The following LRRC28 variants were observed in gnomAD, a reference collection of about 807,000 sequenced individuals.
LRRC28 encodes leucine rich repeat containing 28, also known as leucine-rich repeat-containing protein 28.
In LRRC28, 39 loss-of-function variants were observed where a neutral mutation model predicts 45.7. The observed-to-expected ratio is 0.85, with a 90% CI of 0.66 to 1.12. The LOEUF is 1.12. Among genes scored for constraint, LRRC28 ranks in the 50% most tolerant of loss-of-function variants. The pLI is 0.00. For missense variants in LRRC28, 435 were observed against 438.5 expected (o/e 0.99, Z 0.07); for synonymous variants, 206 against 178.8 (o/e 1.15, Z -1.22).
At chr15:99,369,791 C>G (rs1957432668) in intron 9 of LRRC28, among the ~76,000 whole-genome samples, 1 of 152,168 alleles carries the variant, frequency 6.6e-6, no homozygotes, top group Non-Finnish European at 1.5e-5. Context: ...ACTTTAATCA[C>G]CAGGGTATTT....
chr15:99,270,109 G>A (rs937842000), intron 2 of LRRC28, among the ~76,000 whole-genome samples: 39 of 152,298 alleles, frequency 2.6e-4, no homozygotes, highest in African/African-American at 9.1e-4. Flanking sequence ...TGGACACGTG[G>A]TATTTAACTC....
At position 99,340,093 on chromosome 15, in the gene LRRC28, G is replaced by T. The variant is rs991337367; in HGVS notation, c.592+5964G>T. On this transcript the variant is annotated intron_variant, in intron 6 of 9. Coordinates refer to ENST00000301981, the MANE Select transcript of LRRC28 (RefSeq NM_144598.5). ...TGAGTGCAGAGAGTCATGTTTTAGC[G>T]TGATTCTACCACTCCTCCAGATCAC... Among the ~76,000 whole-genome samples, 3 of 152,374 alleles carry T rather than the reference G, an allele frequency of 2.0e-5. No homozygotes were observed. The South Asian group carries it at 6.2e-4, about 32-fold the overall frequency.
At chr15:99,317,133 A>G (rs73473392) in intron 5 of LRRC28, among the ~76,000 whole-genome samples, 3,732 of 152,232 alleles carry the variant, frequency 0.025, 152 homozygotes, top group African/African-American at 0.084. Flanking sequence ...AGGATTTAGC[A>G]TCCCATTTTC....
intron 6 of LRRC28, among the ~76,000 whole-genome samples, chr15:99,347,399 C>CGG (rs1223913762): frequency 5.3e-5 from 8 of 152,076 alleles, no homozygotes; most frequent in South Asian, 2.1e-4. Context: ...TTAGTAGAGA[C>CGG]GGTTCCACCG....
At chr15:99,323,514 A>C (rs925117464) in intron 5 of LRRC28, among the ~76,000 whole-genome samples, 3 of 152,176 alleles carry the variant, frequency 2.0e-5, no homozygotes, top group African/African-American at 7.2e-5. Context: ...AAAATGGACT[A>C]ATATTTCAAG....
In LRRC28 at chr15:99,273,315, C is replaced by T. The variant is rs1260829876; in HGVS notation, c.169-3261C>T. On this transcript the variant is annotated intron_variant, in intron 2 of 9. Transcript: ENST00000301981. ...GCAGTGGCGCGATCTTGGCTCACTG[C>T]AAGCTCTGCCTCCCGGGTTCAGGCC... Among the ~76,000 whole-genome samples the T allele has an allele frequency of 2.6e-4, 39 of 152,080 alleles. 1 individual carries two copies. The highest frequency in any genetic ancestry group is 2.6e-3 in the Admixed American group (39 of 15,262).
intron 9 of LRRC28, chr15:99,363,518 G>C (rs1042276459): frequency 1.4e-5 from 4 of 285,152 alleles, no homozygotes; most frequent in Non-Finnish European, 2.6e-5. Context: ...TTCTTTGTGA[G>C]AATGTTTTCC....
chr15:99,284,686 T>C, intron 3 of LRRC28: 2 of 515,918 alleles, frequency 3.9e-6, no homozygotes. Flanking sequence ...TTTGGTTTCA[T>C]GGTTTGGCCA....
intron 8 of LRRC28, 139 bp from the exon 9 acceptor site, chr15:99,362,967 G>A (rs543310941): frequency 2.2e-6 from 2 of 907,012 alleles, no homozygotes; most frequent in Non-Finnish European, 3.3e-6. Context: ...TATTCAGTGT[G>A]TATCAATCAG....
intron 2 of LRRC28, among the ~76,000 whole-genome samples, chr15:99,257,238 A>G (rs1444769224): frequency 6.6e-6 from 1 of 152,202 alleles, no homozygotes; most frequent in African/African-American, 2.4e-5. Flanking sequence ...ATATTTCTGA[A>G]ATTAGATTTT....
chr15:99,274,566 C>A (rs1312998288), intron 2 of LRRC28, among the ~76,000 whole-genome samples: 1 of 152,166 alleles, frequency 6.6e-6, no homozygotes, highest in Non-Finnish European at 1.5e-5. Context: ...CTGCACACAG[C>A]AGATCTTAAA....
At chr15:99,383,844 G>A (rs567918366) in intron 9 of LRRC28, among the ~76,000 whole-genome samples, 9 of 152,206 alleles carry the variant, frequency 5.9e-5, no homozygotes, top group African/African-American at 1.4e-4. Flanking sequence ...ATCTGCAAGG[G>A]GAGTCTAGCA....
intron 3 of LRRC28, among the ~76,000 whole-genome samples, chr15:99,280,700 T>G (rs1210336815): frequency 2.0e-5 from 3 of 152,166 alleles, no homozygotes; most frequent in African/African-American, 7.2e-5. Context: ...GTTTTCTTCT[T>G]TCTTACCTTT....
At chr15:99,283,535 G>T (rs560234622) in intron 3 of LRRC28, among the ~76,000 whole-genome samples, 2 of 145,996 alleles carry the variant, frequency 1.4e-5, no homozygotes, top group South Asian at 2.2e-4. Context: ...AGAATCACTT[G>T]TACCCAGGAG....
chr15:99,367,807 C>G (rs2152331023), intron 9 of LRRC28, among the ~76,000 whole-genome samples: 1 of 152,256 alleles, frequency 6.6e-6, no homozygotes, highest in African/African-American at 2.4e-5. Context: ...TTTATGGAGG[C>G]TTCATTACAT....
chr15:99,320,973 A>T (rs1339171845), intron 5 of LRRC28, among the ~76,000 whole-genome samples: 3 of 152,216 alleles, frequency 2.0e-5, no homozygotes, highest in African/African-American at 7.2e-5. Context: ...ACAAAAGAAC[A>T]TCATTCTTAC....
chr15:99,253,567 C>T (rs1394065497), intron 1 of LRRC28, among the ~76,000 whole-genome samples: 1 of 152,166 alleles, frequency 6.6e-6, no homozygotes, highest in Non-Finnish European at 1.5e-5. Flanking sequence ...AGCAGAGTTG[C>T]TGGAGAAGTG....
chr15:99,260,084 G>T, intron 2 of LRRC28: 1 of 501,152 alleles, frequency 2.0e-6, no homozygotes, highest in South Asian at 1.9e-5. Context: ...CATTTCTTTT[G>T]GCAGAGACTT....
intron 9 of LRRC28, among the ~76,000 whole-genome samples, chr15:99,378,033 T>G (rs1957698149): frequency 6.6e-6 from 1 of 152,224 alleles, no homozygotes; most frequent in Admixed American, 6.5e-5. Flanking sequence ...CAGGCCCTTT[T>G]TTGGTTCCAT....
Sources: allele counts gnomAD v4.1 joint callset (sites outside exome capture counted in the v4.1 genomes callset), GRCh38; gene constraint gnomAD v4.1.1; transcripts MANE v1.5; gene names NCBI Gene and HGNC (gene_info 2026-07-23, HGNC 2026-07-21).